HSD17B12: variants seen among roughly 807,000 people sequenced by gnomAD.
HSD17B12 encodes the protein very-long-chain 3-oxoacyl-CoA reductase.
A neutral mutation model predicts 39.3 loss-of-function variants in HSD17B12; 32 were observed. The observed-to-expected ratio is 0.81, with a 90% CI of 0.61 to 1.09. HSD17B12 has a LOEUF of 1.09. Ranked by LOEUF, HSD17B12 falls within the 50% of genes least tolerant of loss-of-function variation. The pLI, the probability that HSD17B12 is intolerant of heterozygous loss-of-function variation, is 0.00. For missense variants in HSD17B12, 342 were observed against 382.9 expected (o/e 0.89, Z 0.89); for synonymous variants, 150 against 146.7 (o/e 1.02, Z -0.16).
chr11:43,625,030 C>T, the HSD17B12 span, among the ~76,000 whole-genome samples: 6 of 151,814 alleles, frequency 4.0e-5, no homozygotes, highest in East Asian at 7.7e-4. Flanking sequence ...TTTAATACTG[C>T]TCTACATAAA....
chr11:43,766,379 A>C (rs971541411), intron 3 of HSD17B12, among the ~76,000 whole-genome samples: 1 of 152,144 alleles, frequency 6.6e-6, no homozygotes, highest in Admixed American at 6.6e-5. Flanking sequence ...GACTTCTGTC[A>C]TGCATTCTTT....
At chr11:43,707,451 C>A (rs1286500477) in intron 1 of HSD17B12, among the ~76,000 whole-genome samples, 1 of 152,244 alleles carries the variant, frequency 6.6e-6, no homozygotes, top group East Asian at 1.9e-4. Context: ...TCCAACCATA[C>A]TGGCCTCTTT....
At chr11:43,664,039 A>G in the HSD17B12 span, among the ~76,000 whole-genome samples, 8 of 151,726 alleles carry the variant, frequency 5.3e-5, no homozygotes, top group African/African-American at 1.9e-4. Context: ...TAGTAGAGAC[A>G]GGGTTTCATC....
At chr11:43,737,409 G>A (rs750495521) in intron 1 of HSD17B12, among the ~76,000 whole-genome samples, 3 of 152,138 alleles carry the variant, frequency 2.0e-5, no homozygotes, top group Non-Finnish European at 4.4e-5. Flanking sequence ...CTGGTCAGTT[G>A]CCAGTATTTT....
At chr11:43,585,992 A>G in the HSD17B12 span, among the ~76,000 whole-genome samples, 2 of 152,214 alleles carry the variant, frequency 1.3e-5, no homozygotes, top group African/African-American at 4.8e-5. Flanking sequence ...TCAGAGAGAG[A>G]CCAATCTCTT....
At chr11:43,573,693 T>A in the HSD17B12 span, among the ~76,000 whole-genome samples, 4 of 152,334 alleles carry the variant, frequency 2.6e-5, no homozygotes, top group African/African-American at 9.6e-5. Flanking sequence ...AGAAAGCAGT[T>A]ACATTCTAAA....
At chr11:43,820,747 G>A (rs1951174555) in intron 6 of HSD17B12, among the ~76,000 whole-genome samples, 1 of 152,210 alleles carries the variant, frequency 6.6e-6, no homozygotes, top group African/African-American at 2.4e-5. Flanking sequence ...GCTGAGAAGT[G>A]TTCCAGGAGA....
the HSD17B12 span, among the ~76,000 whole-genome samples, chr11:43,615,142 C>T: frequency 6.6e-6 from 1 of 152,004 alleles, no homozygotes; most frequent in Non-Finnish European, 1.5e-5. Context: ...TTACCTTGAT[C>T]CTTTGAAGTT....
intron 3 of HSD17B12, among the ~76,000 whole-genome samples, chr11:43,763,203 A>G (rs780340423): frequency 4.6e-5 from 7 of 152,206 alleles, no homozygotes; most frequent in Non-Finnish European, 1.0e-4. Flanking sequence ...ACATATAAGC[A>G]TAAGTCTTAG....
the HSD17B12 span, among the ~76,000 whole-genome samples, chr11:43,668,937 C>T: frequency 6.6e-6 from 1 of 152,090 alleles, no homozygotes; most frequent in Non-Finnish European, 1.5e-5. Context: ...AAGCAATCCT[C>T]TATGCCTTGG....
Position 43,854,727 on chromosome 11 carries a change from T to C in HSD17B12, c.697T>C (p.Tyr233His). 1 of 1,613,872 alleles carries C rather than the reference T, an allele frequency of 6.2e-7. No individual in the cohort carries two copies. Among genetic ancestry groups the C allele is most frequent in the Non-Finnish European group, 8.5e-7 (1 of 1,180,036 alleles). The change falls in exon 10 of 11, where the codon TAC becomes CAC. Residue 233 changes from tyrosine (Y) to histidine (H), a missense_variant. By Grantham distance (83) the Tyr-to-His change is moderately conservative (BLOSUM62 2). Transcript: ENST00000278353. ...KGVFVQSVLP[Y>H]FVATKLAKIR... ...GTTCCCTTTCTAGAGTGTCCTGCCA[T>C]ACTTCGTAGCTACAAAACTGGCTAA...
chr11:43,713,236 C>T (rs575330274), intron 1 of HSD17B12, among the ~76,000 whole-genome samples: 1 of 152,050 alleles, frequency 6.6e-6, no homozygotes, highest in South Asian at 2.1e-4. Flanking sequence ...CCCATGAACT[C>T]GTTATTTACA....
the HSD17B12 span, among the ~76,000 whole-genome samples, chr11:43,564,039 T>G: frequency 1.3e-5 from 2 of 152,098 alleles, no homozygotes; most frequent in African/African-American, 4.8e-5. Context: ...CTATTTTTAT[T>G]TTTTGCTATG....
intron 9 of HSD17B12, 28 bp downstream of exon 9, chr11:43,840,092 T>C: frequency 6.3e-7 from 1 of 1,590,750 alleles, no homozygotes; most frequent in Non-Finnish European, 8.6e-7. Flanking sequence ...CACTTAAGTA[T>C]CCCTGTTTTT....
intron 3 of HSD17B12, among the ~76,000 whole-genome samples, chr11:43,784,683 C>G (rs1454034977): frequency 6.6e-6 from 1 of 152,126 alleles, no homozygotes; most frequent in East Asian, 1.9e-4. Flanking sequence ...CGCAGGGGAG[C>G]AGCAAGCAAG....
intron 1 of HSD17B12, among the ~76,000 whole-genome samples, chr11:43,705,501 G>T (rs1950004396): frequency 6.6e-6 from 1 of 152,116 alleles, no homozygotes; most frequent in African/African-American, 2.4e-5. Flanking sequence ...ATCAGGACTG[G>T]CTATGAAGTG....
intron 3 of HSD17B12, among the ~76,000 whole-genome samples, chr11:43,796,975 T>G (rs1950921765): frequency 6.6e-6 from 1 of 152,192 alleles, no homozygotes; most frequent in South Asian, 2.1e-4. Context: ...TGTCTCTAAC[T>G]TCCCATTACA....
chr11:43,785,459 A>G (rs1209302033), intron 3 of HSD17B12, among the ~76,000 whole-genome samples: 2 of 152,204 alleles, frequency 1.3e-5, no homozygotes, highest in African/African-American at 4.8e-5. Flanking sequence ...TTGGCTGTGC[A>G]TAGACTAGTC....
intron 3 of HSD17B12, among the ~76,000 whole-genome samples, chr11:43,783,424 T>A (rs575250713): frequency 4.3e-4 from 66 of 151,934 alleles, no homozygotes; most frequent in South Asian, 3.7e-3. Flanking sequence ...CTTTTTTTTT[T>A]AAATTATACT....
Sources: gnomAD v4.1 joint callset for allele counts (sites outside exome capture counted in the v4.1 genomes callset) on GRCh38, gnomAD v4.1.1 for gene constraint, MANE v1.5 for transcripts, NCBI Gene and HGNC (gene_info 2026-07-23, HGNC 2026-07-21) for gene names.